The following ZNF420 variants were observed in gnomAD, a reference collection of about 807,000 sequenced individuals.
ZNF420 encodes the protein ATM and p53-associated KZNF protein.
ZNF420 carries 31 observed loss-of-function variants against 44.7 expected under a neutral mutation model. The observed-to-expected ratio is 0.69, with a 90% CI of 0.52 to 0.94. The LOEUF is 0.94. ZNF420 is among the 40% of genes least tolerant of loss of function. The probability of loss-of-function intolerance (pLI) is 0.00; values close to 1 mark genes in which losing one functional copy is unlikely to be tolerated. For synonymous variants in ZNF420, 245 were observed against 267.4 expected (o/e 0.92, Z 0.82); for missense variants, 681 against 827.9 (o/e 0.82, Z 2.18).
At chr19:37,119,221 G>A (rs1970878388) in intron 4 of ZNF420, among the ~76,000 whole-genome samples, 1 of 151,930 alleles carries the variant, frequency 6.6e-6, no homozygotes, top group Non-Finnish European at 1.5e-5. Context: ...ATAGTTCGAA[G>A]TAAAGCTCTC....
intron 4 of ZNF420, among the ~76,000 whole-genome samples, chr19:37,101,487 T>TC (rs1398488468): frequency 6.6e-6 from 1 of 152,126 alleles, no homozygotes; most frequent in African/African-American, 2.4e-5. Context: ...AGAGCAAGAC[T>TC]CCATCTCAAT....
At position 37,024,177 on chromosome 19, in the gene ZNF420, C is replaced by T. The variant is rs994884870; in HGVS notation, c.-125+16095C>T. Among the ~76,000 whole-genome samples the T allele has an allele frequency of 7.9e-5, 12 of 152,234 alleles. No individual in the cohort carries two copies. In the East Asian group the frequency reaches 1.5e-3, roughly 20 times the overall value. ...ATAACTCTTTCCACCGAATGCCCATCGGAAAATTTTAAAATCTACCTATGA... is the reference window on the plus strand; with the variant it reads ...ATAACTCTTTCCACCGAATGCCCATTGGAAAATTTTAAAATCTACCTATGA... On this transcript the variant is annotated intron_variant, in intron 1 of 4. Coordinates refer to the ZNF420 transcript ENST00000587029.
intron 1 of ZNF420, among the ~76,000 whole-genome samples, chr19:37,045,937 TGAAAGGC>T (rs1182752627): frequency 6.6e-6 from 1 of 152,156 alleles, no homozygotes; most frequent in East Asian, 1.9e-4. Context: ...TAACTGTAGG[TGAAAGGC>T]ACTTCTTACA....
In ZNF420 at chr19:37,030,184, G is replaced by T. The variant is rs55716074; in HGVS notation, c.-125+22102G>T. Reference sequence around the variant, plus strand: ...TTGTTGTTGTTGTTGTTGTTTGAGAGGGAGTCTCGCTCTGTCGCCCAGGCT... The same window carrying T: ...TTGTTGTTGTTGTTGTTGTTTGAGATGGAGTCTCGCTCTGTCGCCCAGGCT... On this transcript the variant is annotated intron_variant, in intron 1 of 4. Coordinates refer to the ZNF420 transcript ENST00000587029. Among the ~76,000 whole-genome samples, 171 of 151,770 alleles carry T rather than the reference G, an allele frequency of 1.1e-3. 3 individuals carry two copies. Among genetic ancestry groups the T allele is most frequent in the Admixed American group, 7.1e-3 (108 of 15,250 alleles).
At chr19:37,124,211 C>CA (rs1971221076) in intron 4 of ZNF420, among the ~76,000 whole-genome samples, 2 of 152,278 alleles carry the variant, frequency 1.3e-5, no homozygotes, top group South Asian at 4.1e-4. Context: ...TCTCACTTAG[C>CA]AAAATATATT....
chr19:37,116,163 C>G (rs1161688835), intron 4 of ZNF420, among the ~76,000 whole-genome samples: 1 of 151,938 alleles, frequency 6.6e-6, no homozygotes, highest in Non-Finnish European at 1.5e-5. Context: ...CTTTTCCCCA[C>G]AAAGACCAGC....
At chr19:37,101,070 T>A (rs1314083474) in intron 4 of ZNF420, among the ~76,000 whole-genome samples, 3 of 151,696 alleles carry the variant, frequency 2.0e-5, no homozygotes, top group African/African-American at 7.3e-5. Context: ...CCTATGGAAA[T>A]GCTACTTATT....
intron 2 of ZNF420, among the ~76,000 whole-genome samples, chr19:37,083,328 A>G (rs747278457): frequency 5.3e-5 from 8 of 152,166 alleles, no homozygotes; most frequent in Admixed American, 2.0e-4. Flanking sequence ...ACAGAATTAT[A>G]TTCTAATTCT....
At chr19:37,068,003 GTA>G (rs57638776) in intron 1 of ZNF420, among the ~76,000 whole-genome samples, 17 of 150,180 alleles carry the variant, frequency 1.1e-4, no homozygotes, top group South Asian at 2.1e-4. Context: ...GTGTGTGTGT[GTA>G]TATATATATA....
chr19:37,130,274 T>C lies in ZNF420; in HGVS notation c.*1216T>C. Reference sequence around the variant, plus strand: ...ACAGCCATACTAGCTCTGGTCTGCTTGCCTCCTGTTTCTCTTTAAATAAAA... The same window carrying C: ...ACAGCCATACTAGCTCTGGTCTGCTCGCCTCCTGTTTCTCTTTAAATAAAA... On this transcript the variant is annotated 3_prime_UTR_variant, in exon 5 of 5. Coordinates refer to ENST00000337995, the MANE Select transcript of ZNF420 (RefSeq NM_144689.5). 1.4e-6 allele frequency: 2 copies of C among 1,431,424 alleles called. No homozygotes were observed. The highest frequency in any genetic ancestry group is 1.8e-6 in the Non-Finnish European group (2 of 1,088,510). The allele number at this position is 1,431,424 out of a possible 1,614,324, so 88.7% of individuals were successfully genotyped here. A position where few individuals can be genotyped will look rare whatever the true frequency, so the allele number is the denominator to read the frequency against.
At chr19:37,030,607 C>T (rs937956044) in intron 1 of ZNF420, among the ~76,000 whole-genome samples, 5 of 152,302 alleles carry the variant, frequency 3.3e-5, no homozygotes, top group Middle Eastern at 3.4e-3. Flanking sequence ...AGATCTTGTT[C>T]TTTTTTAGGG....
chr19:37,074,978 C>T (rs1202566218), upstream of ZNF420: 1 of 152,150 alleles, frequency 6.6e-6, no homozygotes, highest in African/African-American at 2.4e-5. Context: ...TTTGGGATTG[C>T]TGATTAAATG....
At chr19:37,019,482 T>C (rs936269215) in intron 1 of ZNF420, among the ~76,000 whole-genome samples, 5 of 152,014 alleles carry the variant, frequency 3.3e-5, no homozygotes, top group African/African-American at 1.2e-4. Flanking sequence ...CCTTAAAAAA[T>C]TGAAAATGGA....
chr19:37,110,247 T>G (rs1339682862), intron 4 of ZNF420, among the ~76,000 whole-genome samples: 1 of 152,236 alleles, frequency 6.6e-6, no homozygotes, highest in Non-Finnish European at 1.5e-5. Flanking sequence ...ATGCGTGACA[T>G]CCATTTGCCA....
upstream of ZNF420, chr19:37,078,218 T>C (rs1193513758): frequency 1.3e-5 from 2 of 152,348 alleles, no homozygotes; most frequent in Non-Finnish European, 2.9e-5. Context: ...GGGCGGGCAC[T>C]CCCAGAAACC....
intron 4 of ZNF420, among the ~76,000 whole-genome samples, chr19:37,096,607 A>G (rs887322450): frequency 2.6e-4 from 40 of 152,212 alleles, no homozygotes; most frequent in African/African-American, 9.4e-4. Flanking sequence ...ACAAACATCT[A>G]GGTAATTAAA....
At chr19:37,076,292 GTGTC>G (rs555069929), upstream of ZNF420, among the ~76,000 whole-genome samples, 2 of 151,174 alleles carry the variant, frequency 1.3e-5, no homozygotes, top group African/African-American at 4.9e-5. Flanking sequence ...AAACCAGAAT[GTGTC>G]TGTCACCTCC....
chr19:37,022,450 C>T (rs2074656762), intron 1 of ZNF420, among the ~76,000 whole-genome samples: 1 of 152,048 alleles, frequency 6.6e-6, no homozygotes, highest in South Asian at 2.1e-4. Context: ...CCTTGACATT[C>T]GAATGAGACC....
At position 37,127,020 on chromosome 19, in the gene ZNF420, AAC is replaced by A. The variant is rs1273208712; in HGVS notation, c.137-106_137-105del. The A allele has an allele frequency of 2.6e-5, 25 of 956,112 alleles. No homozygotes were observed. In the East Asian group the frequency reaches 7.1e-4, roughly 27 times the overall value. The allele number at this position is 956,112 out of a possible 1,614,324, so 59.2% of individuals were successfully genotyped here. A position where few individuals can be genotyped will look rare whatever the true frequency, so the allele number is the denominator to read the frequency against. Reference sequence around the variant, plus strand: ...ATATGTCATAATAATCAATATTTGAAACAAACTCATGTATGTCTGTTATTTCT... The same window carrying A: ...ATATGTCATAATAATCAATATTTGAAAAACTCATGTATGTCTGTTATTTCT... On this transcript the variant is annotated intron_variant, in intron 4 of 4. Coordinates refer to ENST00000337995, the MANE Select transcript of ZNF420 (RefSeq NM_144689.5).
Sources: gnomAD v4.1 joint callset for allele counts (sites outside exome capture counted in the v4.1 genomes callset) on GRCh38, gnomAD v4.1.1 for gene constraint, MANE v1.5 for transcripts, NCBI Gene and HGNC (gene_info 2026-07-23, HGNC 2026-07-21) for gene names.